The following LPAR3 variants were observed in gnomAD, a reference collection of about 807,000 sequenced individuals.
The protein encoded by LPAR3 is lysophosphatidic acid receptor 3, also known as LPA receptor 3.
A neutral mutation model predicts 17.8 loss-of-function variants in LPAR3; 7 were observed. That is an observed-to-expected ratio of 0.39 (90% CI 0.22 to 0.74). The LOEUF (loss-of-function observed/expected upper bound fraction) is 0.74, where lower values mean the gene tolerates loss of function less well. LPAR3 is among the 30% of genes least tolerant of loss of function. The pLI, the probability that LPAR3 is intolerant of heterozygous loss-of-function variation, is 0.40. For synonymous variants in LPAR3, 179 were observed against 179.9 expected (o/e 0.99, Z 0.04); for missense variants, 391 against 453.4 (o/e 0.86, Z 1.25).
intron 2 of LPAR3, among the ~76,000 whole-genome samples, chr1:84,837,514 G>C (rs1042481047): frequency 2.0e-5 from 3 of 152,182 alleles, no homozygotes; most frequent in African/African-American, 7.2e-5. Flanking sequence ...ACCTCTGAGA[G>C]AGTCAACAGA....
At chr1:84,833,247 A>G (rs893542120) in intron 2 of LPAR3, among the ~76,000 whole-genome samples, 28 of 152,288 alleles carry the variant, frequency 1.8e-4, no homozygotes, top group African/African-American at 6.7e-4. Flanking sequence ...AAAAACATTA[A>G]AACTTCCTGT....
At chr1:84,854,615 G>A (rs1280630506) in intron 2 of LPAR3, among the ~76,000 whole-genome samples, 5 of 152,140 alleles carry the variant, frequency 3.3e-5, no homozygotes, top group African/African-American at 1.2e-4. Flanking sequence ...GATTCACAGT[G>A]CCTTCAGGGT....
chr1:84,817,291 A>ACACACACACACC (rs1000146030), intron 2 of LPAR3, among the ~76,000 whole-genome samples: 2 of 144,684 alleles, frequency 1.4e-5, no homozygotes, highest in African/African-American at 5.1e-5. Flanking sequence ...ACACACACAC[A>ACACACACACACC]CCCCTCACTT....
At chr1:84,817,261 T>TCACACA (rs71097861) in intron 2 of LPAR3, among the ~76,000 whole-genome samples, 15,091 of 147,448 alleles carry the variant, frequency 0.1, 919 homozygotes, top group Middle Eastern at 0.2. Flanking sequence ...CCAGGATCTA[T>TCACACA]CACACACACA....
chr1:84,892,240 A>AAT (rs1660566369), intron 1 of LPAR3, among the ~76,000 whole-genome samples: 2 of 148,584 alleles, frequency 1.3e-5, no homozygotes, highest in Admixed American at 1.3e-4. Context: ...TAAATAAATA[A>AAT]ATAAATAAAT....
intron 2 of LPAR3, among the ~76,000 whole-genome samples, chr1:84,823,575 CT>C (rs1659097584): frequency 6.6e-6 from 1 of 152,142 alleles, no homozygotes; most frequent in South Asian, 2.1e-4. Flanking sequence ...AGCTTTCCAG[CT>C]TTGAAAAACT....
Position 84,865,419 on chromosome 1 carries a change from G to A in LPAR3, c.702C>T (p.Pro234=), listed in dbSNP as rs760146624. The A allele has an allele frequency of 1.1e-5, 17 of 1,613,796 alleles. No homozygotes were observed. The highest frequency in any genetic ancestry group is 1.4e-5 in the Non-Finnish European group (17 of 1,179,942). ...TCATCACCGTCTTCATTAGCTTCAT[G>A]GGTGTCCTCCGGCGGCTGATGGACC... The part of the protein sequence containing the change: ...TSGSISRRRT[P]MKLMKTVMTV... The change falls in exon 2 of 3, where the codon CCC becomes CCT. Residue 234 remains proline (P), a synonymous_variant. Coordinates refer to ENST00000370611, the MANE Select transcript of LPAR3 (RefSeq NM_012152.3).
chr1:84,867,175 G>A (rs1660067367), intron 1 of LPAR3, among the ~76,000 whole-genome samples: 1 of 152,180 alleles, frequency 6.6e-6, no homozygotes, highest in African/African-American at 2.4e-5. Context: ...GAAGGGCTGG[G>A]CAGAAGCCCC....
chr1:84,845,456 C>T (rs574021785), intron 2 of LPAR3, among the ~76,000 whole-genome samples: 16 of 152,316 alleles, frequency 1.1e-4, no homozygotes, highest in Admixed American at 4.6e-4. Context: ...CCATCTCCCA[C>T]ACTACTCAGA....
intron 1 of LPAR3, among the ~76,000 whole-genome samples, chr1:84,885,856 C>T (rs983851415): frequency 6.6e-6 from 1 of 152,150 alleles, no homozygotes; most frequent in African/African-American, 2.4e-5. Flanking sequence ...GGTTTTCTAA[C>T]TGCCAGAGAA....
At chr1:84,886,896 G>A (rs1660471364) in intron 1 of LPAR3, among the ~76,000 whole-genome samples, 1 of 152,034 alleles carries the variant, frequency 6.6e-6, no homozygotes, top group East Asian at 1.9e-4. Context: ...GGTCCCCATT[G>A]GCCAAATTGA....
In LPAR3 at chr1:84,872,435, A is replaced by G. The variant is rs569953301; in HGVS notation, c.-18-6297T>C. Among the ~76,000 whole-genome samples, 3 of 152,302 alleles carry G rather than the reference A, an allele frequency of 2.0e-5. No homozygotes were observed. The South Asian group carries it at 6.2e-4, about 32-fold the overall frequency. On this transcript the variant is annotated intron_variant, in intron 1 of 2. Coordinates refer to ENST00000370611, the MANE Select transcript of LPAR3 (RefSeq NM_012152.3). ...GGTCGTTCTGAAGGACAGTCTCACA[A>G]TAGAGACCTCTCTCTATTAGTATGA...
chr1:84,879,722 G>A (rs1005475300), intron 1 of LPAR3, among the ~76,000 whole-genome samples: 3 of 152,114 alleles, frequency 2.0e-5, no homozygotes, highest in African/African-American at 7.2e-5. Context: ...GGGTGGCTGC[G>A]TGACTAAGTT....
At position 84,888,151 on chromosome 1, in the gene LPAR3, T is replaced by TACACACACACACACAC. The variant is rs757810280; in HGVS notation, c.-19+4849_-19+4864dup. Among the ~76,000 whole-genome samples the TACACACACACACACAC allele has an allele frequency of 3.3e-5, 3 of 91,018 alleles. No homozygotes were observed. In the Admixed American group the frequency reaches 3.8e-4, roughly 12 times the overall value. The allele number at this position is 91,018 out of a possible 152,430, so 59.7% of individuals were successfully genotyped here. On this transcript the variant is annotated intron_variant, in intron 1 of 2. Transcript: ENST00000370611. ...TTTTATATATATATATATACATACA[T>TACACACACACACACAC]ACACACACACACACACACACACACA... is the stretch of plus-strand genomic sequence containing the variant.
At chr1:84,841,782 A>T (rs1035218401) in intron 2 of LPAR3, among the ~76,000 whole-genome samples, 1 of 152,186 alleles carries the variant, frequency 6.6e-6, no homozygotes, top group African/African-American at 2.4e-5. Context: ...TTAGCTTCAA[A>T]GCACCTGAGG....
chr1:84,836,251 T>C (rs887384546), intron 2 of LPAR3, among the ~76,000 whole-genome samples: 8 of 150,764 alleles, frequency 5.3e-5, no homozygotes, highest in Admixed American at 1.3e-4. Flanking sequence ...GCTGGGAGGA[T>C]TGCTTGAGCC....
intron 2 of LPAR3, among the ~76,000 whole-genome samples, chr1:84,827,580 T>G (rs1053741418): frequency 1.3e-5 from 2 of 152,136 alleles, no homozygotes; most frequent in African/African-American, 4.8e-5. Flanking sequence ...GCGATATGAC[T>G]GGAGAGCTGC....
Position 84,840,554 on chromosome 1 carries a change from T to C in LPAR3, c.736+24831A>G, listed in dbSNP as rs562241664. Among the ~76,000 whole-genome samples, 8 of 152,326 alleles carry C rather than the reference T, an allele frequency of 5.3e-5. No individual in the cohort carries two copies. In the South Asian group the frequency reaches 1.7e-3, roughly 32 times the overall value. On this transcript the variant is annotated intron_variant, in intron 2 of 2. Transcript: ENST00000370611. ...GTATCAGTCAGAGCCCACTTACTTA[T>C]ACAAACAATAAACTTTTATGCATAA...
At chr1:84,882,600 T>C (rs780323141) in intron 1 of LPAR3, among the ~76,000 whole-genome samples, 46 of 152,218 alleles carry the variant, frequency 3.0e-4, no homozygotes, top group Non-Finnish European at 6.3e-4. Context: ...TACAAAGCTA[T>C]GTATGGTAGT....
Sources: gnomAD v4.1 joint callset for allele counts (sites outside exome capture counted in the v4.1 genomes callset) on GRCh38, gnomAD v4.1.1 for gene constraint, MANE v1.5 for transcripts, NCBI Gene and HGNC (gene_info 2026-07-23, HGNC 2026-07-21) for gene names.